The following LARGE1 variants were observed in gnomAD, a reference collection of about 807,000 sequenced individuals.
LARGE1 encodes the protein xylosyl- and glucuronyltransferase LARGE1.
A neutral mutation model predicts 87.6 loss-of-function variants in LARGE1; 43 were observed. That is an observed-to-expected ratio of 0.49 (90% CI 0.38 to 0.63). The LOEUF is 0.63. LARGE1 is among the 30% of genes least tolerant of loss of function. LARGE1 has a pLI of 0.00. For missense variants in LARGE1, 802 were observed against 1,000.2 expected, an observed-to-expected ratio of 0.80 and a Z score of 2.67; for synonymous variants, 434 against 394.6, an observed-to-expected ratio of 1.10 and a Z score of -1.18.
At chr22:33,814,822 G>T (rs2086602912) in intron 1 of LARGE1, among the ~76,000 whole-genome samples, 1 of 152,106 alleles carries the variant, frequency 6.6e-6, no homozygotes, top group Admixed American at 6.5e-5. Flanking sequence ...TATGCATAAT[G>T]TAATTTCATA....
At chr22:33,536,905 G>A (rs150347266) in intron 6 of LARGE1, among the ~76,000 whole-genome samples, 92 of 152,304 alleles carry the variant, frequency 6.0e-4, no homozygotes, top group African/African-American at 2.1e-3. Context: ...TCTGCCTCCC[G>A]GGTTCAAGCG....
intron 1 of LARGE1, among the ~76,000 whole-genome samples, chr22:33,776,928 G>A (rs2267286): frequency 0.34 from 52,427 of 152,076 alleles, 9,143 homozygotes; most frequent in Admixed American, 0.42. Flanking sequence ...GTCCAGGGCT[G>A]GAGAATGGGG....
the LARGE1 span, among the ~76,000 whole-genome samples, chr22:33,096,705 C>T: frequency 6.6e-6 from 1 of 151,658 alleles, no homozygotes; most frequent in Non-Finnish European, 1.5e-5. Flanking sequence ...GGTGGGACTA[C>T]GGGCGCCCGC....
chr22:33,803,631 G>C lies in LARGE1; in HGVS notation c.-82-42073C>G, dbSNP rs117042861. Among the ~76,000 whole-genome samples the C allele has an allele frequency of 3.3e-3, 504 of 152,298 alleles. 1 individual carries two copies. The highest frequency in any genetic ancestry group is 5.2e-3 in the Non-Finnish European group (356 of 68,024). Reference sequence around the variant, plus strand: ...TAGAGTAGAACCAGCAAAGGAAGAAGGTCTATGAGGCAAAGTCTGGAGGGA... The same window carrying C: ...TAGAGTAGAACCAGCAAAGGAAGAACGTCTATGAGGCAAAGTCTGGAGGGA... On this transcript the variant is annotated intron_variant, in intron 1 of 14. Coordinates refer to ENST00000397394, the MANE Select transcript of LARGE1 (RefSeq NM_133642.5).
At chr22:33,603,087 AT>A (rs1386472346) in intron 5 of LARGE1, among the ~76,000 whole-genome samples, 6 of 338 alleles carry the variant, frequency 0.018, no homozygotes, top group African/African-American at 0.056. Flanking sequence ...CTCAGAATAG[AT>A]TGGGAATGGC....
At chr22:33,890,020 G>A (rs2064963597) in intron 1 of LARGE1, among the ~76,000 whole-genome samples, 1 of 152,238 alleles carries the variant, frequency 6.6e-6, no homozygotes, top group Non-Finnish European at 1.5e-5. Context: ...TGGGGAGCCA[G>A]GCCAGGGCCC....
chr22:33,074,998 G>T, the LARGE1 span, among the ~76,000 whole-genome samples: 4 of 152,168 alleles, frequency 2.6e-5, no homozygotes, highest in Middle Eastern at 3.2e-3. Context: ...TCCAAGCTTA[G>T]CGAGCTTATG....
At chr22:33,297,486 G>A (rs1933458678) in intron 12 of LARGE1, among the ~76,000 whole-genome samples, 1 of 151,620 alleles carries the variant, frequency 6.6e-6, no homozygotes, top group Admixed American at 6.6e-5. Flanking sequence ...GGTGGCATGT[G>A]CCTATAATCC....
chr22:33,416,746 G>C (rs999386223), intron 7 of LARGE1, among the ~76,000 whole-genome samples: 2 of 151,918 alleles, frequency 1.3e-5, no homozygotes, highest in African/African-American at 4.8e-5. Context: ...TGGGATTACA[G>C]GCACCCGCCA....
At chr22:33,642,709 G>GAAA (rs2080477002) in intron 3 of LARGE1, among the ~76,000 whole-genome samples, 9 of 11,176 alleles carry the variant, frequency 8.1e-4, no homozygotes, top group East Asian at 4.9e-3. Flanking sequence ...CAAATGGAAA[G>GAAA]CAAAAAAAAA....
intron 1 of LARGE1, among the ~76,000 whole-genome samples, chr22:33,782,312 T>G (rs535753470): frequency 6.6e-6 from 1 of 152,214 alleles, no homozygotes; most frequent in South Asian, 2.1e-4. Flanking sequence ...AGACAGAACA[T>G]GGTTATCAGG....
intron 2 of LARGE1, among the ~76,000 whole-genome samples, chr22:33,720,266 A>C (rs1488601565): frequency 1.3e-5 from 2 of 152,084 alleles, no homozygotes; most frequent in African/African-American, 2.4e-5. Flanking sequence ...CTCAGTTCAC[A>C]ATAGGGTTTG....
intron 7 of LARGE1, among the ~76,000 whole-genome samples, chr22:33,385,530 A>G (rs1275616182): frequency 5.9e-5 from 7 of 118,144 alleles, no homozygotes; most frequent in African/African-American, 2.6e-4. Context: ...ACCGTCTCAA[A>G]AAAAAAAAAA....
At chr22:33,146,437 G>A in the LARGE1 span, among the ~76,000 whole-genome samples, 1 of 152,152 alleles carries the variant, frequency 6.6e-6, no homozygotes, top group Non-Finnish European at 1.5e-5. Context: ...GCCATAAAAA[G>A]CACCATCCTT....
At chr22:33,583,564 T>C (rs543683542) in intron 5 of LARGE1, among the ~76,000 whole-genome samples, 7 of 152,168 alleles carry the variant, frequency 4.6e-5, no homozygotes, top group African/African-American at 1.7e-4. Flanking sequence ...AATAAGAAAA[T>C]TAGAACCTCG....
chr22:33,577,450 A>G (rs1010382448), intron 5 of LARGE1, among the ~76,000 whole-genome samples: 3 of 152,338 alleles, frequency 2.0e-5, no homozygotes, highest in Admixed American at 1.3e-4. Flanking sequence ...TCTGAATTTA[A>G]TCAGAAGGCA....
chr22:33,359,853 C>G (rs60135510), intron 9 of LARGE1, among the ~76,000 whole-genome samples: 1 of 149,252 alleles, frequency 6.7e-6, no homozygotes, highest in Non-Finnish European at 1.5e-5. Flanking sequence ...CGTGAGCCAC[C>G]GCACCCAGCC....
At chr22:33,535,665 A>T (rs973330361) in intron 6 of LARGE1, among the ~76,000 whole-genome samples, 1 of 152,020 alleles carries the variant, frequency 6.6e-6, no homozygotes, top group Non-Finnish European at 1.5e-5. Context: ...CAAACTATTG[A>T]CCAACCCCCT....
At chr22:33,645,134 A>G (rs887671983) in intron 3 of LARGE1, among the ~76,000 whole-genome samples, 1 of 152,246 alleles carries the variant, frequency 6.6e-6, no homozygotes, top group Non-Finnish European at 1.5e-5. Flanking sequence ...AGCTGGAGGC[A>G]TTATGCTACC....
Sources: gnomAD v4.1 joint callset for allele counts (sites outside exome capture counted in the v4.1 genomes callset) on GRCh38, gnomAD v4.1.1 for gene constraint, MANE v1.5 for transcripts, NCBI Gene and HGNC (gene_info 2026-07-23, HGNC 2026-07-21) for gene names.